Variants in CILP observed in about 807,000 individuals in gnomAD.
The protein encoded by CILP is cartilage intermediate layer protein, also known as cartilage intermediate layer protein 1.
A neutral mutation model predicts 82.5 loss-of-function variants in CILP; 75 were observed. The ratio of observed to expected loss-of-function variants is 0.91; its 90% confidence interval spans 0.75 to 1.10. The LOEUF (loss-of-function observed/expected upper bound fraction) is 1.10, where lower values mean the gene tolerates loss of function less well. CILP is among the 50% of genes least tolerant of loss of function. CILP has a pLI of 0.00. For synonymous variants in CILP, 530 were observed against 580.3 expected, an observed-to-expected ratio of 0.91 and a Z score of 1.25; for missense variants, 1,479 against 1,530.8, an observed-to-expected ratio of 0.97 and a Z score of 0.56.
In CILP at chr15:65,198,371, G is replaced by T. The variant is rs777342124; in HGVS notation, c.1915C>A (p.Gln639Lys). 1 of 1,614,130 alleles carries T rather than the reference G, an allele frequency of 6.2e-7. No homozygotes were observed. The highest frequency in any genetic ancestry group is 2.2e-5 in the East Asian group (1 of 44,898). Reference sequence around the variant, plus strand: ...TCATTGATGAAGTTCAGGTCAGTCTGGGCAGCTGTGGCTGTGGAAATATTC... The same window carrying T: ...TCATTGATGAAGTTCAGGTCAGTCTTGGCAGCTGTGGCTGTGGAAATATTC... The part of the protein sequence containing the change: ...PRNISTATAA[Q>K]TDLNFINDEG... The change falls in exon 9 of 9, where the codon CAG becomes AAG. Residue 639 changes from glutamine (Q) to lysine (K), a missense_variant. Transcript: ENST00000261883.
rs1294124750 is a variant in CILP, at chr15:65,201,990, C to T, written c.1068G>A (p.Lys356=). ...NDTLLDPSLY[K]HESKLVLRKL... The stretch of plus-strand genomic sequence containing the variant: ...TCCTCAGCACCAGCTTGCTCTCATG[C>T]TTGTAGAGGGAAGGATCCAGCAATG... The change falls in exon 8 of 9, where the codon AAG becomes AAA. Residue 356 remains lysine (K), a synonymous_variant. Coordinates refer to ENST00000261883, the MANE Select transcript of CILP (RefSeq NM_003613.4). The T allele has an allele frequency of 6.2e-7, 1 of 1,601,662 alleles. No homozygotes were observed. The highest frequency in any genetic ancestry group is 1.7e-5 in the Admixed American group (1 of 57,920).
At chr15:65,204,232 C>A in intron 6 of CILP, 36 bp downstream of exon 6, 1 of 1,574,622 alleles carries the variant, frequency 6.4e-7, no homozygotes. Context: ...AAAATCTGGA[C>A]CTTCTCACCA....
rs1437107130 is a variant in CILP, at chr15:65,195,150, A to G, written c.*1581T>C. Reference sequence around the variant, plus strand: ...GTTATTGTGATGTGCTCAGCTAGAGAAATTTCTAATTGCTTACAAACCAAA... The same window carrying G: ...GTTATTGTGATGTGCTCAGCTAGAGGAATTTCTAATTGCTTACAAACCAAA... On this transcript the variant is annotated 3_prime_UTR_variant, in exon 9 of 9. Transcript: ENST00000261883. The G allele has an allele frequency of 6.6e-6, 1 of 152,168 alleles. No individual in the cohort carries two copies. The highest frequency in any genetic ancestry group is 2.4e-5 in the African/African-American group (1 of 41,422). 9.4% of individuals were successfully genotyped at this position (152,168 alleles called of 1,614,324 possible).
At position 65,198,066 on chromosome 15, in the gene CILP, C is replaced by A; in HGVS notation, c.2220G>T (p.Arg740Ser). 6.2e-7 allele frequency: 1 copy of A among 1,614,204 alleles called. No homozygotes were observed. The highest frequency in any genetic ancestry group is 8.5e-7 in the Non-Finnish European group (1 of 1,180,036). Residue 740 changes from arginine (R) to serine (S), a missense_variant, in exon 9 of 9, where the codon AGG becomes AGT. Coordinates refer to ENST00000261883, the MANE Select transcript of CILP (RefSeq NM_003613.4). ...TTTCAGGAACATCCAGGTTAAAGAG[C>A]CTCCTCTCACGAATCTCCAGGTTGC... Reference protein sequence around the residue: ...LVGNLEIRERRLFNLDVPESR... With the variant: ...LVGNLEIRERSLFNLDVPESR...
intron 7 of CILP, 121 bp downstream of exon 7, chr15:65,203,241 C>A: frequency 1.4e-6 from 1 of 701,360 alleles, no homozygotes; most frequent in Admixed American, 2.4e-5. Flanking sequence ...GGCTCTGTAC[C>A]ACTGTCTTAC....
intron 1 of CILP, among the ~76,000 whole-genome samples, chr15:65,210,606 G>C (rs1477342025): frequency 6.6e-6 from 1 of 152,212 alleles, no homozygotes; most frequent in African/African-American, 2.4e-5. Context: ...CAGCTGAGCA[G>C]AACATTTTTA....
rs377598649 is a variant in CILP at position 65,197,789 on chromosome 15, G to A, written c.2497C>T (p.Leu833=). The change falls in exon 9 of 9, where the codon CTG becomes TTG. Residue 833 remains leucine (L), a synonymous_variant. Transcript: ENST00000261883. ...YVLASLAGEE[L]QAVESSPKFN... ...TTAGGAGAAGACTCCACTGCTTGCA[G>A]TTCCTCCCCAGCCAGGCTTGCCAAG... is the stretch of plus-strand genomic sequence containing the variant. The A allele has an allele frequency of 3.1e-6, 5 of 1,613,238 alleles. No individual in the cohort carries two copies. Among genetic ancestry groups the A allele is most frequent in the African/African-American group, 1.3e-5 (1 of 74,906 alleles).
chr15:65,208,436 A>G (rs910043641), intron 2 of CILP, among the ~76,000 whole-genome samples: 12 of 152,242 alleles, frequency 7.9e-5, no homozygotes, highest in African/African-American at 2.9e-4. Flanking sequence ...AAGCTCATTC[A>G]TAAAATCCAC....
At position 65,211,418 on chromosome 15, in the gene CILP, TGGA is replaced by T. The variant is rs1286743988; in HGVS notation, c.-107+7_-107+9del. ...AGGGATGGGGTGAGGGGAATAGGAG[TGGA>T]GCTCACCGTGTCTTGAGCAGGACTC... On this transcript the variant is annotated splice_region_variant and intron_variant, in intron 1 of 8. Transcript: ENST00000261883. 1 of 151,468 alleles carries T rather than the reference TGGA, an allele frequency of 6.6e-6. No homozygotes were observed. The highest frequency in any genetic ancestry group is 1.5e-5 in the Non-Finnish European group (1 of 68,150). 9.4% of individuals were successfully genotyped at this position (151,468 alleles called of 1,614,324 possible).
At position 65,197,919 on chromosome 15, in the gene CILP, G is replaced by T. The variant is rs766949490; in HGVS notation, c.2367C>A (p.Asn789Lys). 1 of 1,614,024 alleles carries T rather than the reference G, an allele frequency of 6.2e-7. No individual in the cohort carries two copies. The highest frequency in any genetic ancestry group is 1.3e-5 in the African/African-American group (1 of 74,910). ...NLEPRTGFLS[N>K]PRAWGRFDSV... ...TGTCAAAGCGGCCCCAGGCCCTAGG[G>T]TTGGACAAGAAGCCAGTTCTAGGCT... is the stretch of plus-strand genomic sequence containing the variant. Residue 789 changes from asparagine (N) to lysine (K), a missense_variant, in exon 9 of 9, where the codon AAC becomes AAA. Transcript: ENST00000261883.
Position 65,197,834 on chromosome 15 carries a change from C to T in CILP, c.2452G>A (p.Asp818Asn). 2 of 1,614,124 alleles carry T rather than the reference C, an allele frequency of 1.2e-6. No homozygotes were observed. Among genetic ancestry groups the T allele is most frequent in the Non-Finnish European group, 1.7e-6 (2 of 1,180,032 alleles). ...VPAFCDDQSP[D>N]AYSAYVLASL... Reference sequence around the variant, plus strand: ...GCCAAGACATAGGCAGAGTAGGCATCAGGGGACTGGTCATCACAGAAGGCA... The same window carrying T: ...GCCAAGACATAGGCAGAGTAGGCATTAGGGGACTGGTCATCACAGAAGGCA... Residue 818 changes from aspartate (D) to asparagine (N), a missense_variant, in exon 9 of 9, where the codon GAT (aspartate) becomes AAT (asparagine). Physicochemically the swap from Asp to Asn is conservative, Grantham distance 23. Transcript: ENST00000261883.
In CILP at chr15:65,206,960, C is replaced by T. The variant is rs749258304; in HGVS notation, c.246G>A (p.Gly82=). 1.5e-5 allele frequency: 25 copies of T among 1,614,030 alleles called. 1 individual carries two copies. In the South Asian group the frequency reaches 2.6e-4, roughly 17 times the overall value. Residue 82 remains glycine, a synonymous_variant, in exon 4 of 9, where the codon GGG becomes GGA. Coordinates refer to ENST00000261883, the MANE Select transcript of CILP (RefSeq NM_003613.4). ...GCAGGGGACGGGCACATACACGGTC[C>T]CCATAGTAGAAGCGAATGGCGTCCA... is the stretch of plus-strand genomic sequence containing the variant. ...ERLDAIRFYY[G]DRVCARPLRL...
chr15:65,199,659 C>A (rs2088425987), intron 8 of CILP, among the ~76,000 whole-genome samples: 1 of 152,082 alleles, frequency 6.6e-6, no homozygotes, highest in Admixed American at 6.5e-5. Flanking sequence ...CCTGTCTCTA[C>A]AAAAAATACA....
chr15:65,197,343 C>T lies in CILP; in HGVS notation c.2943G>A (p.Val981=). ...RNMGGTHRQT[V]GKLYGIRDVR... is the part of the protein sequence containing the mutation. ...CATCTCGGATTCCATACAGCTTCCC[C>T]ACTGTCTGCCGATGAGTGCCCCCCA... The change falls in exon 9 of 9, where the codon GTG becomes GTA. Residue 981 remains valine (V), a synonymous_variant. Coordinates refer to ENST00000261883, the MANE Select transcript of CILP (RefSeq NM_003613.4). 2 of 1,614,204 alleles carry T rather than the reference C, an allele frequency of 1.2e-6. No homozygotes were observed. Among genetic ancestry groups the T allele is most frequent in the Non-Finnish European group, 1.7e-6 (2 of 1,180,032 alleles).
Position 65,197,418 on chromosome 15 carries a change from G to A in CILP, c.2868C>T (p.Ile956=). 6.2e-7 allele frequency: 1 copy of A among 1,614,220 alleles called. No individual in the cohort carries two copies. Among genetic ancestry groups the A allele is most frequent in the Non-Finnish European group, 8.5e-7 (1 of 1,180,046 alleles). Residue 956 remains isoleucine (I), a synonymous_variant, in exon 9 of 9, where the codon ATC becomes ATT. Coordinates refer to ENST00000261883, the MANE Select transcript of CILP (RefSeq NM_003613.4). ...PKPMEFRACY[I]KVKIVGPLEV... ...CCAGTGGCCCCACAATCTTCACCTT[G>A]ATATAGCAGGCCCTGAATTCCATCG...
intron 5 of CILP, 82 bp downstream of exon 5, chr15:65,205,205 C>T: frequency 7.3e-7 from 1 of 1,361,416 alleles, no homozygotes; most frequent in Non-Finnish European, 1.0e-6. Flanking sequence ...ATCCATCAGT[C>T]TCAAACTGAC....
In CILP at chr15:65,205,731, G is replaced by A. The variant is rs543272037; in HGVS notation, c.425-265C>T. ...TGGCCAAGCACTGGGACTTTGATAT[G>A]CTGTCCTAGGATGTGCAGGGATAGC... On this transcript the variant is annotated intron_variant, in intron 4 of 8. Transcript: ENST00000261883. Among the ~76,000 whole-genome samples, 3 of 152,326 alleles carry A rather than the reference G, an allele frequency of 2.0e-5. No homozygotes were observed. In the East Asian group the frequency reaches 5.8e-4, roughly 29 times the overall value.
chr15:65,203,651 C>A (rs1169846469), intron 6 of CILP, among the ~76,000 whole-genome samples, 181 bp from the exon 7 acceptor site: 1 of 152,198 alleles, frequency 6.6e-6, no homozygotes, highest in African/African-American at 2.4e-5. Context: ...TCCTTCCACA[C>A]CCCCAATCCT....
At chr15:65,203,210 A>T in intron 7 of CILP, 152 bp downstream of exon 7, 1 of 559,506 alleles carries the variant, frequency 1.8e-6, no homozygotes, top group Non-Finnish European at 3.2e-6. Context: ...CATGGCTCCC[A>T]TTTGTAAGTC....
Sources: gnomAD v4.1 joint callset for allele counts (sites outside exome capture counted in the v4.1 genomes callset) on GRCh38, gnomAD v4.1.1 for gene constraint, MANE v1.5 for transcripts, NCBI Gene and HGNC (gene_info 2026-07-23, HGNC 2026-07-21) for gene names.